FOXN3: variants seen among roughly 807,000 people sequenced by gnomAD.
The protein encoded by FOXN3 is forkhead box N3.
In FOXN3, 7 loss-of-function variants were observed where a neutral mutation model predicts 38.4. The ratio of observed to expected loss-of-function variants is 0.18; its 90% CI spans 0.10 to 0.34. The LOEUF is 0.34. FOXN3 is among the 10% of genes least tolerant of loss of function. FOXN3 has a pLI of 1.00. For missense variants in FOXN3, 456 were observed against 613.4 expected, an observed-to-expected ratio of 0.74 and a Z score of 2.71; for synonymous variants, 230 against 242.2, an observed-to-expected ratio of 0.95 and a Z score of 0.47.
chr14:89,253,716 C>A (rs1215728428), intron 4 of FOXN3, among the ~76,000 whole-genome samples: 5 of 152,106 alleles, frequency 3.3e-5, no homozygotes, highest in Non-Finnish European at 7.4e-5. Context: ...TTGGCCTCCT[C>A]CTCCTCCTCC....
At position 89,163,064 on chromosome 14, in the gene FOXN3, A is replaced by G. The variant is rs768113760; in HGVS notation, c.852-95T>C. ...GGCACCCGGCAGCCCGCCTGCATTC[A>G]ACCATCAGTCCCTTTGTGTTCAATG... On this transcript the variant is annotated intron_variant, in intron 5 of 5. Coordinates refer to ENST00000557258, the MANE Select transcript of FOXN3 (RefSeq NM_005197.4). The surrounding 1 kb of genome is among the most constrained non-coding windows in gnomAD (Gnocchi z 4.3). The G allele has an allele frequency of 1.7e-5, 20 of 1,178,444 alleles. No individual in the cohort carries two copies. Among genetic ancestry groups the G allele is most frequent in the Non-Finnish European group, 2.2e-5 (19 of 869,224 alleles). The allele number at this position is 1,178,444 out of a possible 1,614,324, so 73.0% of individuals were successfully genotyped here.
chr14:89,521,242 A>G (rs1894309085), intron 1 of FOXN3, among the ~76,000 whole-genome samples: 1 of 152,208 alleles, frequency 6.6e-6, no homozygotes, highest in African/African-American at 2.4e-5. Flanking sequence ...CCAGGGAGTC[A>G]GACGTTGCAG....
At chr14:89,612,708 T>C (rs1896417479) in intron 1 of FOXN3, among the ~76,000 whole-genome samples, 1 of 151,946 alleles carries the variant, frequency 6.6e-6, no homozygotes, top group Non-Finnish European at 1.5e-5. Context: ...GTGGAAAGAC[T>C]GCTTGAGCCC....
chr14:89,470,512 C>A (rs1893071734), intron 1 of FOXN3, among the ~76,000 whole-genome samples: 1 of 152,184 alleles, frequency 6.6e-6, no homozygotes, highest in African/African-American at 2.4e-5. Context: ...AATGTGGCTG[C>A]AATGAGAACA....
In FOXN3 at chr14:89,411,935, T is replaced by C; in HGVS notation, c.542A>G (p.Gln181Arg). The change falls in exon 2 of 6, where the codon CAG (glutamine) becomes CGG (arginine). Residue 181 changes from glutamine to arginine, a missense_variant and splice_region_variant. Around this residue, in one of 3 missense-constraint regions of FOXN3, gnomAD observed 386 missense variants for 505.2 expected, o/e 0.76. Coordinates refer to ENST00000557258, the MANE Select transcript of FOXN3 (RefSeq NM_005197.4). ...TGGGTTCCAGACACAGAGGCTTACC[T>C]GACTCCTCTCTTTGTCCACTTTCTT... Reference protein sequence around the residue: ...CFKKVDKERSQSIGKGSLWCI... With the variant: ...CFKKVDKERSRSIGKGSLWCI... The C allele has an allele frequency of 6.8e-7, 1 of 1,467,622 alleles. No homozygotes were observed. Among genetic ancestry groups the C allele is most frequent in the Non-Finnish European group, 9.1e-7 (1 of 1,100,036 alleles). The allele number at this position is 1,467,622 out of a possible 1,614,324, so 90.9% of individuals were successfully genotyped here.
At chr14:89,442,594 G>A (rs1317272508) in intron 1 of FOXN3, among the ~76,000 whole-genome samples, 1 of 152,174 alleles carries the variant, frequency 6.6e-6, no homozygotes, top group Non-Finnish European at 1.5e-5. Context: ...TGATGGATGT[G>A]CTCTGGGAAA....
At chr14:89,587,594 A>C (rs554170860) in intron 1 of FOXN3, among the ~76,000 whole-genome samples, 1 of 152,332 alleles carries the variant, frequency 6.6e-6, no homozygotes, top group African/African-American at 2.4e-5. Flanking sequence ...CAGGCCGGGC[A>C]CAGTGGCTCA....
intron 1 of FOXN3, among the ~76,000 whole-genome samples, chr14:89,561,033 T>C (rs137967090): frequency 6.6e-6 from 1 of 152,242 alleles, no homozygotes; most frequent in Non-Finnish European, 1.5e-5. Context: ...CTGAGATGAC[T>C]GGGAATACAG....
chr14:89,495,557 G>C (rs1036586969), intron 1 of FOXN3, among the ~76,000 whole-genome samples: 1 of 152,264 alleles, frequency 6.6e-6, no homozygotes, highest in East Asian at 1.9e-4. Flanking sequence ...TATTAGCAGG[G>C]CAGGTAAGGA....
intron 2 of FOXN3, among the ~76,000 whole-genome samples, chr14:89,352,138 C>T (rs775803909): frequency 3.3e-5 from 5 of 152,218 alleles, no homozygotes; most frequent in Non-Finnish European, 5.9e-5. Context: ...CACGTGCAGG[C>T]CTGACCCCAG....
intron 1 of FOXN3, among the ~76,000 whole-genome samples, chr14:89,583,548 C>A (rs930316490): frequency 3.9e-5 from 6 of 152,146 alleles, no homozygotes; most frequent in African/African-American, 1.4e-4. Context: ...TGTTCTCTCT[C>A]TCTCTCTTCC....
At chr14:89,226,901 T>G (rs1277634129) in intron 4 of FOXN3, among the ~76,000 whole-genome samples, 1 of 152,218 alleles carries the variant, frequency 6.6e-6, no homozygotes, top group Non-Finnish European at 1.5e-5. Flanking sequence ...GAACAGATTC[T>G]TCCCCAGAGC....
At chr14:89,373,591 T>C (rs950146733) in intron 2 of FOXN3, among the ~76,000 whole-genome samples, 8 of 152,166 alleles carry the variant, frequency 5.3e-5, no homozygotes, top group Admixed American at 1.3e-4. Flanking sequence ...TTGTGACTAA[T>C]GTCTATGCCC....
At chr14:89,503,299 A>C (rs1025994181) in intron 1 of FOXN3, among the ~76,000 whole-genome samples, 1 of 152,138 alleles carries the variant, frequency 6.6e-6, no homozygotes, top group African/African-American at 2.4e-5. Context: ...AATGCAAATC[A>C]ACCAAAATGA....
rs1891767692 is a variant in FOXN3 at position 89,417,198 on chromosome 14, A to T, written c.-342T>A. On this transcript the variant is annotated 5_prime_UTR_variant, in exon 1 of 6. Transcript: ENST00000557258. ...GGCCGGGGCGCGCCGAGCGGCGAGA[A>T]ATTGTTTCCACTGCAAACAAAAAAA... The T allele has an allele frequency of 6.9e-6, 1 of 145,932 alleles. No individual in the cohort carries two copies. Among genetic ancestry groups the T allele is most frequent in the Non-Finnish European group, 1.5e-5 (1 of 65,640 alleles). The allele number at this position is 145,932 out of a possible 1,614,324, so 9.0% of individuals were successfully genotyped here. A position where few individuals can be genotyped will look rare whatever the true frequency, so the allele number is the denominator to read the frequency against.
At chr14:89,456,350 C>T (rs1314549652) in intron 1 of FOXN3, among the ~76,000 whole-genome samples, 1 of 152,200 alleles carries the variant, frequency 6.6e-6, no homozygotes, top group East Asian at 1.9e-4. Flanking sequence ...CTGGTGTAAA[C>T]TCCAGAAAAG....
intron 1 of FOXN3, among the ~76,000 whole-genome samples, chr14:89,472,460 C>A (rs889583104): frequency 6.6e-6 from 1 of 152,026 alleles, no homozygotes; most frequent in Non-Finnish European, 1.5e-5. Flanking sequence ...GTGGCTCACG[C>A]CTGTAATCCC....
At chr14:89,500,611 T>C (rs1036063611) in intron 1 of FOXN3, among the ~76,000 whole-genome samples, 1 of 152,140 alleles carries the variant, frequency 6.6e-6, no homozygotes, top group African/African-American at 2.4e-5. Flanking sequence ...TCCAACAGCA[T>C]CGGGGCTGGA....
chr14:89,370,196 C>A (rs1890275344), intron 2 of FOXN3, among the ~76,000 whole-genome samples: 1 of 152,088 alleles, frequency 6.6e-6, no homozygotes, highest in Non-Finnish European at 1.5e-5. Context: ...GAAAAAAAAT[C>A]ATCTGTTTGT....
Sources: allele counts gnomAD v4.1 joint callset (sites outside exome capture counted in the v4.1 genomes callset), GRCh38; gene constraint gnomAD v4.1.1; regional missense constraint gnomAD v4.1.1; non-coding constraint Gnocchi (gnomAD v3.1); transcripts MANE v1.5; gene names NCBI Gene and HGNC (gene_info 2026-07-23, HGNC 2026-07-21).